RBM33: variants seen among roughly 807,000 people sequenced by gnomAD.
RBM33 encodes the protein RNA binding motif protein 33.
A neutral mutation model predicts 132.6 loss-of-function variants in RBM33; 28 were observed. The observed-to-expected ratio is 0.21, with a 90% CI of 0.16 to 0.29. The LOEUF is 0.29. RBM33 is among the 10% of genes least tolerant of loss of function. The pLI is 1.00. For synonymous variants in RBM33, 634 were observed against 593.0 expected, an observed-to-expected ratio of 1.07 and a Z score of -1.01; for missense variants, 1,291 against 1,518.5, an observed-to-expected ratio of 0.85 and a Z score of 2.49.
intron 5 of RBM33, chr7:155,685,107 C>A: frequency 1.3e-6 from 2 of 1,518,970 alleles, no homozygotes; most frequent in East Asian, 2.5e-5. Context: ...CTCCCCCAGA[C>A]TTAAAATGAG....
At chr7:155,711,763 G>C (rs1012080334) in intron 8 of RBM33, among the ~76,000 whole-genome samples, 2 of 152,118 alleles carry the variant, frequency 1.3e-5, no homozygotes, top group Non-Finnish European at 2.9e-5. Flanking sequence ...TCATTGGTTG[G>C]GCATATTAAA....
At position 155,668,109 on chromosome 7, in the gene RBM33, CTCTTA is replaced by C. The variant is rs563089702; in HGVS notation, c.122+2858_122+2862del. Among the ~76,000 whole-genome samples the C allele has an allele frequency of 2.6e-3, 403 of 152,262 alleles. 2 individuals carry two copies. Among genetic ancestry groups the C allele is most frequent in the Admixed American group, 3.5e-3 (53 of 15,294 alleles). Reference sequence around the variant, plus strand: ...TCTTAGTGTTTACATTTCCGATTGTCTCTTATATTTGTGTGTGTGTCTATGTATAC... The same window carrying C: ...TCTTAGTGTTTACATTTCCGATTGTCTATTTGTGTGTGTGTCTATGTATAC... On this transcript the variant is annotated intron_variant, in intron 2 of 17. Transcript: ENST00000401878.
At chr7:155,682,677 C>T (rs1799368859) in intron 5 of RBM33, among the ~76,000 whole-genome samples, 1 of 152,198 alleles carries the variant, frequency 6.6e-6, no homozygotes, top group African/African-American at 2.4e-5. Flanking sequence ...TTGGCCCTGC[C>T]TGTGAACTTA....
chr7:155,652,519 G>A (rs1411028016), intron 1 of RBM33, among the ~76,000 whole-genome samples: 2 of 152,170 alleles, frequency 1.3e-5, no homozygotes, highest in Non-Finnish European at 2.9e-5. Context: ...TATCCAAGTC[G>A]AGGATTCTGG....
At chr7:155,744,901 A>AATAGACTATGGGCACCTTGCC in intron 13 of RBM33, 60 bp from the exon 14 acceptor site, 1 of 1,453,864 alleles carries the variant, frequency 6.9e-7, no homozygotes, top group South Asian at 1.5e-5. Flanking sequence ...AATTTGTTGA[A>AATAGACTATGGGCACCTTGCC]ATAGACTATG....
intron 8 of RBM33, among the ~76,000 whole-genome samples, chr7:155,713,678 G>A (rs1800373851): frequency 6.6e-6 from 1 of 152,210 alleles, no homozygotes; most frequent in Admixed American, 6.5e-5. Flanking sequence ...TGAGGCCACT[G>A]TATTGACAGA....
At chr7:155,699,031 C>T (rs967165192) in intron 5 of RBM33, among the ~76,000 whole-genome samples, 2 of 152,184 alleles carry the variant, frequency 1.3e-5, no homozygotes, top group African/African-American at 4.8e-5. Context: ...CAATTTTCAA[C>T]TCATCTTTAT....
At chr7:155,724,736 G>A (rs930772368) in intron 9 of RBM33, among the ~76,000 whole-genome samples, 2 of 152,052 alleles carry the variant, frequency 1.3e-5, no homozygotes, top group Non-Finnish European at 2.9e-5. Context: ...GAATGTGTCT[G>A]TTCCTATAAT....
At chr7:155,695,415 T>G (rs929042630) in intron 5 of RBM33, among the ~76,000 whole-genome samples, 6 of 152,180 alleles carry the variant, frequency 3.9e-5, no homozygotes, top group African/African-American at 1.4e-4. Context: ...ACATATTACA[T>G]ATTCGTATTA....
chr7:155,711,302 C>G lies in RBM33; in HGVS notation c.1048C>G (p.Pro350Ala). 6.2e-7 allele frequency: 1 copy of G among 1,608,086 alleles called. No individual in the cohort carries two copies. The highest frequency in any genetic ancestry group is 8.5e-7 in the Non-Finnish European group (1 of 1,177,334). Reference protein sequence around the residue: ...PLQPLLPVQHPHHPSPPQGMH... With the variant: ...PLQPLLPVQHAHHPSPPQGMH... Reference sequence around the variant, plus strand: ...GCAGCCGCTGCTTCCGGTGCAGCACCCGCACCACCCATCCCCGCCTCAGGG... The same window carrying G: ...GCAGCCGCTGCTTCCGGTGCAGCACGCGCACCACCCATCCCCGCCTCAGGG... The change falls in exon 8 of 18, where the codon CCG (proline) becomes GCG (alanine). Residue 350 changes from proline to alanine, a missense_variant. By Grantham distance (27) the Pro-to-Ala change is conservative. Transcript: ENST00000401878.
At chr7:155,724,988 G>GTT (rs148975210) in intron 9 of RBM33, among the ~76,000 whole-genome samples, 7,359 of 117,142 alleles carry the variant, frequency 0.063, 268 homozygotes, top group East Asian at 0.18. Context: ...TTGTGTACAG[G>GTT]TTTGTGTGTG....
intron 9 of RBM33, among the ~76,000 whole-genome samples, chr7:155,730,661 A>G (rs1024081827): frequency 1.3e-5 from 2 of 152,228 alleles, no homozygotes; most frequent in Admixed American, 6.5e-5. Flanking sequence ...GAGCACCTAC[A>G]GGATCACTGT....
At chr7:155,770,236 G>A (rs942513614) in intron 16 of RBM33, among the ~76,000 whole-genome samples, 1 of 152,232 alleles carries the variant, frequency 6.6e-6, no homozygotes, top group South Asian at 2.1e-4. Flanking sequence ...AGAAAACTCG[G>A]TGCGGGCTGG....
At chr7:155,697,798 C>T (rs1799839064) in intron 5 of RBM33, among the ~76,000 whole-genome samples, 1 of 152,010 alleles carries the variant, frequency 6.6e-6, no homozygotes, top group African/African-American at 2.4e-5. Flanking sequence ...CCTAAGTGGA[C>T]CTCTCTGTTT....
chr7:155,686,984 G>A (rs1220535652), intron 5 of RBM33, among the ~76,000 whole-genome samples: 4 of 152,172 alleles, frequency 2.6e-5, no homozygotes, highest in Admixed American at 6.5e-5. Context: ...TAATCCTTTG[G>A]GTATATACCC....
In RBM33 at chr7:155,778,640, A is replaced by C. The variant is rs1389356286; in HGVS notation, c.*3599A>C. The C allele has an allele frequency of 1.3e-5, 2 of 152,356 alleles. No homozygotes were observed. Among genetic ancestry groups the C allele is most frequent in the African/African-American group, 4.8e-5 (2 of 41,438 alleles). 9.4% of individuals were successfully genotyped at this position (152,356 alleles called of 1,614,324 possible). On this transcript the variant is annotated 3_prime_UTR_variant, in exon 18 of 18. Coordinates refer to ENST00000401878, the MANE Select transcript of RBM33 (RefSeq NM_053043.3). The surrounding 1 kb of genome is among the most constrained non-coding windows in gnomAD (Gnocchi z 4.0). ...GGAACGTCTTCACTGGGTGGTGATC[A>C]GCTGGGACAGTTCAGGTAGGGCAGG...
chr7:155,687,823 C>G (rs1336092696), intron 5 of RBM33, among the ~76,000 whole-genome samples: 1 of 152,096 alleles, frequency 6.6e-6, no homozygotes, highest in African/African-American at 2.4e-5. Flanking sequence ...CTGTTCTGTT[C>G]CATTTGTCGG....
intron 14 of RBM33, among the ~76,000 whole-genome samples, chr7:155,752,030 C>T (rs1034846927): frequency 9.9e-5 from 15 of 152,164 alleles, no homozygotes; most frequent in African/African-American, 1.4e-4. Context: ...CTGTCACTGT[C>T]ATTATTTATG....
At chr7:155,659,810 A>C (rs1349827029) in intron 1 of RBM33, among the ~76,000 whole-genome samples, 1 of 152,242 alleles carries the variant, frequency 6.6e-6, no homozygotes, top group Admixed American at 6.5e-5. Context: ...GGAAGTCCAT[A>C]TTAATGTACC....
Sources: allele counts gnomAD v4.1 joint callset (sites outside exome capture counted in the v4.1 genomes callset), GRCh38; gene constraint gnomAD v4.1.1; non-coding constraint Gnocchi (gnomAD v3.1); transcripts MANE v1.5; gene names NCBI Gene and HGNC (gene_info 2026-07-23, HGNC 2026-07-21).